Variants in CLSTN2 observed in about 807,000 individuals in gnomAD.
The protein encoded by CLSTN2 is calsyntenin 2.
Under a neutral mutation model 101.2 loss-of-function variants are expected in CLSTN2, and 48 were observed. That is an observed-to-expected ratio of 0.47 (90% CI 0.38 to 0.60). CLSTN2 has a LOEUF of 0.60. Ranked by LOEUF, CLSTN2 falls within the 20% of genes least tolerant of loss-of-function variation. The pLI is 0.00. For synonymous variants in CLSTN2, 481 were observed against 463.6 expected (o/e 1.04, Z -0.48); for missense variants, 1,160 against 1,238.2 (o/e 0.94, Z 0.95).
intron 2 of CLSTN2, among the ~76,000 whole-genome samples, chr3:140,354,646 G>C (rs1459573352): frequency 6.6e-6 from 1 of 152,148 alleles, no homozygotes; most frequent in African/African-American, 2.4e-5. Flanking sequence ...GTAGCCACAG[G>C]CATGTCTGGA....
intron 1 of CLSTN2, among the ~76,000 whole-genome samples, chr3:139,969,314 C>T (rs1398412499): frequency 6.6e-6 from 1 of 152,194 alleles, no homozygotes; most frequent in African/African-American, 2.4e-5. Context: ...AGTGTCACTG[C>T]CTACCCTGGG....
intron 2 of CLSTN2, among the ~76,000 whole-genome samples, chr3:140,332,684 G>GC: frequency 7.1e-6 from 1 of 141,566 alleles, no homozygotes; most frequent in South Asian, 2.3e-4. Context: ...GTGTATGCTT[G>GC]TTTTTTCTTT....
At chr3:140,271,251 C>T (rs1400788161) in intron 2 of CLSTN2, among the ~76,000 whole-genome samples, 1 of 152,080 alleles carries the variant, frequency 6.6e-6, no homozygotes. Flanking sequence ...AGCCCAAATG[C>T]CAGCTCGTGT....
chr3:140,180,939 G>T (rs1352999013), intron 2 of CLSTN2, among the ~76,000 whole-genome samples: 2 of 152,186 alleles, frequency 1.3e-5, no homozygotes, highest in Non-Finnish European at 2.9e-5. Context: ...CTGCCTCAGG[G>T]TCTTGTTCAT....
At chr3:140,076,563 T>C (rs1440052479) in intron 1 of CLSTN2, among the ~76,000 whole-genome samples, 6 of 149,330 alleles carry the variant, frequency 4.0e-5, no homozygotes, top group African/African-American at 1.5e-4. Flanking sequence ...TCCCACACTC[T>C]GGCTGACAGG....
chr3:140,372,047 G>A (rs1371144671), intron 2 of CLSTN2, among the ~76,000 whole-genome samples: 1 of 152,164 alleles, frequency 6.6e-6, no homozygotes, highest in African/African-American at 2.4e-5. Flanking sequence ...GAGGACCTTG[G>A]GTGGGGATAT....
At chr3:140,513,583 C>CTTTTTTTTTTTTTTT (rs55778787) in intron 8 of CLSTN2, among the ~76,000 whole-genome samples, 197 of 117,628 alleles carry the variant, frequency 1.7e-3, no homozygotes, top group Non-Finnish European at 2.1e-3. Context: ...TTTTTTCTTT[C>CTTTTTTTTTTTTTTT]TTTTTTTTTT....
intron 1 of CLSTN2, among the ~76,000 whole-genome samples, chr3:140,062,137 A>G (rs958114043): frequency 6.6e-6 from 1 of 152,080 alleles, no homozygotes; most frequent in African/African-American, 2.4e-5. Flanking sequence ...AGGCCAGGAG[A>G]GTGGTGGGTC....
At chr3:140,092,451 G>T (rs916362480) in intron 1 of CLSTN2, among the ~76,000 whole-genome samples, 1 of 152,164 alleles carries the variant, frequency 6.6e-6, no homozygotes, top group Non-Finnish European at 1.5e-5. Context: ...CTGGAAGGAG[G>T]CTTAGAGTGG....
At chr3:140,427,881 T>C (rs2088590396) in intron 5 of CLSTN2, among the ~76,000 whole-genome samples, 2 of 152,310 alleles carry the variant, frequency 1.3e-5, no homozygotes, top group South Asian at 4.1e-4. Flanking sequence ...CCCAGTTTGG[T>C]CTTCTTAGTG....
Position 140,576,953 on chromosome 3 carries a change from A to G in CLSTN2, c.*10700A>G, listed in dbSNP as rs1206122935. Reference sequence around the variant, plus strand: ...ATAGAAAATTGAATCTAATTTCAGAAGAGCGCACTGTCTTCTCAGTCAACA... The same window carrying G: ...ATAGAAAATTGAATCTAATTTCAGAGGAGCGCACTGTCTTCTCAGTCAACA... On this transcript the variant is annotated 3_prime_UTR_variant, in exon 17 of 17. Coordinates refer to ENST00000458420, the MANE Select transcript of CLSTN2 (RefSeq NM_022131.3). 2.0e-5 allele frequency: 3 copies of G among 152,234 alleles called. No homozygotes were observed. Among genetic ancestry groups the G allele is most frequent in the Non-Finnish European group, 4.4e-5 (3 of 68,044 alleles). The allele number at this position is 152,234 out of a possible 1,614,324, so 9.4% of individuals were successfully genotyped here.
chr3:139,952,000 A>G (rs1260779407), intron 1 of CLSTN2, among the ~76,000 whole-genome samples: 1 of 152,110 alleles, frequency 6.6e-6, no homozygotes, highest in Non-Finnish European at 1.5e-5. Context: ...CATAAGCTTG[A>G]AGTGTTTCTA....
chr3:140,084,630 C>T (rs1014675016), intron 1 of CLSTN2, among the ~76,000 whole-genome samples: 3 of 152,152 alleles, frequency 2.0e-5, no homozygotes, highest in African/African-American at 7.2e-5. Flanking sequence ...AAGGAAACTA[C>T]CTGAGGGTTC....
intron 11 of CLSTN2, among the ~76,000 whole-genome samples, chr3:140,557,721 T>C (rs1935826752): frequency 6.6e-6 from 1 of 152,084 alleles, no homozygotes; most frequent in Non-Finnish European, 1.5e-5. Context: ...GCATGTAAGG[T>C]GATGGCTGTC....
At chr3:140,333,552 A>G (rs185428569) in intron 2 of CLSTN2, among the ~76,000 whole-genome samples, 151 of 151,694 alleles carry the variant, frequency 1.0e-3, no homozygotes, top group Non-Finnish European at 8.2e-4. Flanking sequence ...CCTCTTTTCC[A>G]CTATTTAGTC....
At chr3:140,336,898 C>T (rs1445202059) in intron 2 of CLSTN2, among the ~76,000 whole-genome samples, 2 of 152,138 alleles carry the variant, frequency 1.3e-5, no homozygotes, top group African/African-American at 4.8e-5. Flanking sequence ...GCTAATGGTT[C>T]TCATTGTCCT....
At chr3:140,422,786 G>A (rs918374298) in intron 5 of CLSTN2, among the ~76,000 whole-genome samples, 2 of 152,216 alleles carry the variant, frequency 1.3e-5, no homozygotes, top group Non-Finnish European at 2.9e-5. Flanking sequence ...CCTGCAGACA[G>A]AATTCTGTCT....
At chr3:140,331,180 G>A (rs1302347204) in intron 2 of CLSTN2, among the ~76,000 whole-genome samples, 1 of 152,160 alleles carries the variant, frequency 6.6e-6, no homozygotes, top group African/African-American at 2.4e-5. Context: ...AAAGTCTGAA[G>A]AATCTGGAGT....
At chr3:139,983,812 G>A (rs1480784174) in intron 1 of CLSTN2, among the ~76,000 whole-genome samples, 1 of 152,058 alleles carries the variant, frequency 6.6e-6, no homozygotes, top group East Asian at 1.9e-4. Context: ...TGCTATACAT[G>A]TTAAATGAAG....
Sources: gnomAD v4.1 joint callset for allele counts (sites outside exome capture counted in the v4.1 genomes callset) on GRCh38, gnomAD v4.1.1 for gene constraint, MANE v1.5 for transcripts, NCBI Gene and HGNC (gene_info 2026-07-23, HGNC 2026-07-21) for gene names.